Variants in LOXHD1 observed in about 807,000 individuals in gnomAD.
LOXHD1 encodes the protein lipoxygenase homology PLAT domains 1, also known as lipoxygenase homology domain-containing protein 1.
In LOXHD1, 205 loss-of-function variants were observed where a neutral mutation model predicts 248.2. That is an observed-to-expected ratio of 0.83 (90% CI 0.74 to 0.93). LOXHD1 has a LOEUF of 0.93. Ranked by LOEUF, LOXHD1 falls within the 40% of genes least tolerant of loss-of-function variation. LOXHD1 has a pLI of 0.00. For missense variants in LOXHD1, 2,930 were observed against 2,971.6 expected (o/e 0.99, Z 0.33); for synonymous variants, 1,113 against 1,162.8 (o/e 0.96, Z 0.87).
At chr18:46,532,832 T>C (rs369114434) in intron 28 of LOXHD1, among the ~76,000 whole-genome samples, 1 of 152,208 alleles carries the variant, frequency 6.6e-6, no homozygotes, top group African/African-American at 2.4e-5. Flanking sequence ...AAATGAATAG[T>C]AGGGAGAAAA....
chr18:46,488,771 C>A (rs2033250294), intron 38 of LOXHD1, among the ~76,000 whole-genome samples: 1 of 152,170 alleles, frequency 6.6e-6, no homozygotes, highest in African/African-American at 2.4e-5. Flanking sequence ...TAATTAGTCC[C>A]TGTGATTCTG....
intron 5 of LOXHD1, among the ~76,000 whole-genome samples, chr18:46,611,172 T>G (rs1017013743): frequency 5.3e-5 from 8 of 152,202 alleles, no homozygotes; most frequent in Non-Finnish European, 1.0e-4. Flanking sequence ...CCGATCCTAC[T>G]AAACCGATTT....
intron 25 of LOXHD1, 25 bp downstream of exon 25, chr18:46,541,751 T>C: frequency 6.4e-7 from 1 of 1,551,490 alleles, no homozygotes; most frequent in Non-Finnish European, 8.7e-7. Context: ...AGAGAAGGGC[T>C]GGCCTTGCCG....
In LOXHD1 at chr18:46,639,644, G is replaced by T; in HGVS notation, c.483C>A (p.Ala161=). The change falls in exon 4 of 41, where the codon GCC becomes GCA. Residue 161 remains alanine, a synonymous_variant. Coordinates refer to ENST00000642948, the MANE Select transcript of LOXHD1 (RefSeq NM_001384474.1). ...TGGGCATGTCCATGGGGTTGAAGCT[G>T]GCCAGCAGGTCACGGCACCACTGGC... ...GDRQWCRDLL[A]SFNPMDMPRG... is the part of the protein sequence containing the mutation. 6.4e-7 allele frequency: 1 copy of T among 1,551,738 alleles called. No homozygotes were observed. Among genetic ancestry groups the T allele is most frequent in the Middle Eastern group, 1.7e-4 (1 of 5,990 alleles).
chr18:46,484,979 A>ACCCCC, intron 39 of LOXHD1, 40 bp downstream of exon 39: 1 of 1,436,220 alleles, frequency 7.0e-7, no homozygotes, highest in Non-Finnish European at 9.6e-7. Context: ...TCCCTTACCT[A>ACCCCC]CCCACCCCCC....
At chr18:46,527,269 T>C (rs193182952) in intron 29 of LOXHD1, among the ~76,000 whole-genome samples, 16 of 152,326 alleles carry the variant, frequency 1.1e-4, no homozygotes, top group African/African-American at 3.8e-4. Flanking sequence ...AATAAAGCCA[T>C]GCATAAAAAT....
At chr18:46,539,207 T>A (rs1268437252) in intron 25 of LOXHD1, among the ~76,000 whole-genome samples, 1 of 152,192 alleles carries the variant, frequency 6.6e-6, no homozygotes, top group East Asian at 1.9e-4. Flanking sequence ...ATGCCTGTAA[T>A]CCCAGAACTT....
intron 33 of LOXHD1, chr18:46,519,138 C>A: frequency 1.0e-6 from 1 of 971,290 alleles, no homozygotes; most frequent in African/African-American, 1.8e-5. Context: ...GTTCTTTGGT[C>A]CCAGATTCTT....
At chr18:46,635,032 CCT>C (rs1222111560) in intron 4 of LOXHD1, among the ~76,000 whole-genome samples, 2 of 151,984 alleles carry the variant, frequency 1.3e-5, no homozygotes, top group Admixed American at 1.3e-4. Context: ...CTAATGGTCC[CCT>C]GTCTGGAACA....
chr18:46,577,909 C>A, intron 13 of LOXHD1, 42 bp from the exon 14 acceptor site: 1 of 1,548,278 alleles, frequency 6.5e-7, no homozygotes, highest in South Asian at 1.2e-5. Context: ...CAGTGGCTAC[C>A]CCAGGACCCA....
At chr18:46,637,005 G>T (rs932408062) in intron 4 of LOXHD1, among the ~76,000 whole-genome samples, 37 of 152,096 alleles carry the variant, frequency 2.4e-4, no homozygotes, top group Non-Finnish European at 2.4e-4. Flanking sequence ...AATTAGCCGG[G>T]TGTGGTGGTG....
chr18:46,599,175 G>A (rs553780238), intron 8 of LOXHD1, among the ~76,000 whole-genome samples: 2 of 152,234 alleles, frequency 1.3e-5, no homozygotes, highest in African/African-American at 4.8e-5. Context: ...AGTCTTTTCA[G>A]AACAGTGGGA....
At chr18:46,494,833 TC>T (rs1411111495) in intron 37 of LOXHD1, among the ~76,000 whole-genome samples, 1 of 146,182 alleles carries the variant, frequency 6.8e-6, no homozygotes, top group East Asian at 2.0e-4. Context: ...TTTTTCTTTC[TC>T]CTTTTTCTCT....
intron 4 of LOXHD1, among the ~76,000 whole-genome samples, chr18:46,625,917 C>A (rs1392546260): frequency 6.6e-5 from 10 of 152,148 alleles, no homozygotes; most frequent in African/African-American, 2.4e-4. Flanking sequence ...CCTTTCCAAC[C>A]CAGACTCTAG....
intron 12 of LOXHD1, among the ~76,000 whole-genome samples, chr18:46,580,851 C>T (rs1244005773): frequency 1.3e-5 from 2 of 151,930 alleles, no homozygotes; most frequent in African/African-American, 4.8e-5. Flanking sequence ...GTGCAAAGGC[C>T]CCTGTGTGTG....
At chr18:46,548,593 A>G (rs933288626) in intron 21 of LOXHD1, among the ~76,000 whole-genome samples, 1 of 152,206 alleles carries the variant, frequency 6.6e-6, no homozygotes, top group Non-Finnish European at 1.5e-5. Context: ...ATGAATAGGA[A>G]AGTTAACATT....
At chr18:46,594,198 T>C in intron 9 of LOXHD1, 133 bp downstream of exon 9, 1 of 1,235,820 alleles carries the variant, frequency 8.1e-7, no homozygotes, top group Non-Finnish European at 1.1e-6. Context: ...GGGGGAGCTT[T>C]TTCCTTCCTT....
chr18:46,574,167 C>T (rs1273399182), intron 14 of LOXHD1, among the ~76,000 whole-genome samples: 1 of 152,082 alleles, frequency 6.6e-6, no homozygotes, highest in Admixed American at 6.5e-5. Flanking sequence ...TTATCCACCC[C>T]CAGGCCCTCC....
chr18:46,571,849 C>T (rs758230264), intron 15 of LOXHD1, among the ~76,000 whole-genome samples: 17 of 152,348 alleles, frequency 1.1e-4, no homozygotes, highest in Non-Finnish European at 1.9e-4. Context: ...CATTACTGCT[C>T]ATCACTCTCG....
Sources: gnomAD v4.1 joint callset for allele counts (sites outside exome capture counted in the v4.1 genomes callset) on GRCh38, gnomAD v4.1.1 for gene constraint, MANE v1.5 for transcripts, NCBI Gene and HGNC (gene_info 2026-07-23, HGNC 2026-07-21) for gene names.